The following ULK1 variants were observed in gnomAD, a reference collection of about 807,000 sequenced individuals.
ULK1 encodes unc-51 like autophagy activating kinase 1, also known as serine/threonine-protein kinase ULK1.
A neutral mutation model predicts 117.5 loss-of-function variants in ULK1; 48 were observed. The observed-to-expected ratio is 0.41, with a 90% confidence interval of 0.32 to 0.52. ULK1 has a LOEUF of 0.52. Ranked by LOEUF, ULK1 falls within the 20% of genes least tolerant of loss-of-function variation. The probability of loss-of-function intolerance (pLI) is 0.29; values close to 1 mark genes in which losing one functional copy is unlikely to be tolerated. For missense variants in ULK1, 1,387 were observed against 1,473.4 expected (o/e 0.94, Z 0.96); for synonymous variants, 790 against 637.8 (o/e 1.24, Z -3.60).
chr12:131,911,819 C>T (rs1889549700), intron 12 of ULK1, 123 bp from the exon 13 acceptor site: 6 of 1,361,028 alleles, frequency 4.4e-6, no homozygotes, highest in African/African-American at 1.5e-5. Flanking sequence ...ACGTGCCCAG[C>T]CCTTCTCAGC....
intron 15 of ULK1, 112 bp downstream of exon 15, chr12:131,913,948 CCTT>C (rs1173071913): frequency 4.1e-6 from 4 of 967,560 alleles, no homozygotes; most frequent in East Asian, 6.2e-5. Context: ...GAGGCCCCTG[CCTT>C]CTTCTCCCAG....
chr12:131,906,157 A>G (rs1421200075), intron 3 of ULK1, among the ~76,000 whole-genome samples: 3 of 151,962 alleles, frequency 2.0e-5, no homozygotes, highest in Non-Finnish European at 4.4e-5. Flanking sequence ...GCAGTGGCAC[A>G]GTCTCGGCTC....
At chr12:131,920,574 T>C in intron 26 of ULK1, 1 of 194,820 alleles carries the variant, frequency 5.1e-6, no homozygotes, top group South Asian at 9.1e-5. Flanking sequence ...CGTTTATTTT[T>C]TGTTGTTTTT....
intron 3 of ULK1, among the ~76,000 whole-genome samples, chr12:131,899,478 G>A (rs771711294): frequency 1.6e-4 from 24 of 150,432 alleles, no homozygotes; most frequent in South Asian, 4.2e-4. Flanking sequence ...ATGAGCCACC[G>A]CTTCTGGCCT....
chr12:131,897,421 T>C (rs1888918967), intron 3 of ULK1: 1 of 152,202 alleles, frequency 6.6e-6, no homozygotes, highest in Admixed American at 6.5e-5. Context: ...GCCCCTGCTT[T>C]AGTTGTTTCC....
At chr12:131,910,636 C>A (rs1162561284) in intron 11 of ULK1, 76 bp from the exon 12 acceptor site, 1 of 1,612,158 alleles carries the variant, frequency 6.2e-7, no homozygotes, top group Admixed American at 1.7e-5. Context: ...TTGAGCTTGT[C>A]CAGTCTGTGG....
chr12:131,919,613 C>CCA, intron 25 of ULK1, 23 bp downstream of exon 25: 1 of 1,606,534 alleles, frequency 6.2e-7, no homozygotes, highest in Non-Finnish European at 8.5e-7. Flanking sequence ...ACCGCTCAGC[C>CCA]CACATGCCGG....
Position 131,910,752 on chromosome 12 carries a change from C to T in ULK1, c.900C>T (p.Ser300=), listed in dbSNP as rs571147302. 30 of 1,612,838 alleles carry T rather than the reference C, an allele frequency of 1.9e-5. No individual in the cohort carries two copies. The highest frequency in any genetic ancestry group is 1.6e-4 in the Middle Eastern group (1 of 6,062). ...VPVPSYPSSG[S]GSSSSSSSTS... ...TGCCCTCGTACCCAAGCTCGGGGTC[C>T]GGCAGCAGCTCCAGCAGCAGCTCCA... The change falls in exon 12 of 28, where the codon TCC becomes TCT. Residue 300 remains serine (S), a synonymous_variant. Transcript: ENST00000321867.
intron 16 of ULK1, 108 bp from the exon 17 acceptor site, chr12:131,914,975 T>C: frequency 6.9e-7 from 1 of 1,458,784 alleles, no homozygotes; most frequent in Non-Finnish European, 9.1e-7. Context: ...GGTCCTGGGC[T>C]GCTGGGGCCT....
chr12:131,919,495 A>C lies in ULK1; in HGVS notation c.2708A>C (p.Tyr903Ser), dbSNP rs760099259. Residue 903 changes from tyrosine (Y) to serine (S), a missense_variant, in exon 25 of 28, where the codon TAC becomes TCC. By Grantham distance (144) the Tyr-to-Ser change is moderately radical. Transcript: ENST00000321867. ...EWGFAEQLVL[Y>S]LKVAELLSSG... is the part of the protein sequence containing the mutation. ...AGCTTCGCGGAACAGCTGGTGCTGT[A>C]CCTGAAGGTGGCCGAGCTACTGTCC... 8.7e-6 allele frequency: 14 copies of C among 1,611,770 alleles called. No homozygotes were observed. Among genetic ancestry groups the C allele is most frequent in the Non-Finnish European group, 1.2e-5 (14 of 1,179,540 alleles).
Position 131,916,115 on chromosome 12 carries a change from C to T in ULK1, c.1834C>T (p.Leu612=), listed in dbSNP as rs1889771047. 7.4e-6 allele frequency: 12 copies of T among 1,612,422 alleles called. No individual in the cohort carries two copies. Among genetic ancestry groups the T allele is most frequent in the Non-Finnish European group, 1.0e-5 (12 of 1,179,856 alleles). The change falls in exon 19 of 28, where the codon CTG becomes TTG. Residue 612 remains leucine (L), a synonymous_variant. Transcript: ENST00000321867. ...LRGSPKLPDF[L]QRNPLPPILG... ...GGGCTCACCCAAGCTGCCCGACTTC[C>T]TGCAGCGAAACCCCCTGCCCCCCAT... is the stretch of plus-strand genomic sequence containing the variant.
chr12:131,919,672 G>A, intron 25 of ULK1, 82 bp downstream of exon 25: 1 of 1,477,752 alleles, frequency 6.8e-7, no homozygotes, highest in South Asian at 1.2e-5. Flanking sequence ...AGGGTAACAG[G>A]GAGGCTGCTT....
rs138913008 is a variant in ULK1, at chr12:131,906,671, G to A, written c.247-221G>A. The A allele has an allele frequency of 1.7e-5, 10 of 604,904 alleles. No individual in the cohort carries two copies. In the East Asian group the frequency reaches 2.5e-4, roughly 15 times the overall value. 37.5% of individuals were successfully genotyped at this position (604,904 alleles called of 1,614,324 possible). On this transcript the variant is annotated intron_variant, in intron 3 of 27. Transcript: ENST00000321867. ...TGTTGCTCTTATGGGGGGACCAGGG[G>A]CCTTTGCCTTGATCAGATGGAGACC...
chr12:131,920,936 G>A (rs1890123955), intron 26 of ULK1, 164 bp from the exon 27 acceptor site: 3 of 1,006,932 alleles, frequency 3.0e-6, no homozygotes, highest in African/African-American at 1.6e-5. Flanking sequence ...TTGGCCCTGT[G>A]ACCATCCCCT....
chr12:131,918,746 CGGGTGTGTGGGGTATA>C (rs1353819443), intron 23 of ULK1, 65 bp downstream of exon 23: 65 of 460,754 alleles, frequency 1.4e-4, no homozygotes, highest in Non-Finnish European at 1.8e-4. Flanking sequence ...TGTGGGGTGT[CGGGTGTGTGGGGTATA>C]GGGTGTGTGG....
chr12:131,916,860 C>A, intron 20 of ULK1, 93 bp from the exon 21 acceptor site: 1 of 1,142,410 alleles, frequency 8.8e-7, no homozygotes, highest in Non-Finnish European at 1.2e-6. Flanking sequence ...GGAGACCGTG[C>A]ATCATGTGTG....
intron 21 of ULK1, 44 bp from the exon 22 acceptor site, chr12:131,917,367 C>G (rs547450608): frequency 4.3e-6 from 6 of 1,389,846 alleles, no homozygotes; most frequent in African/African-American, 1.5e-5. Context: ...GGATGGGGGT[C>G]GGCGGGAGTC....
chr12:131,920,913 G>A (rs545365913), intron 26 of ULK1, 187 bp from the exon 27 acceptor site: 8 of 792,332 alleles, frequency 1.0e-5, no homozygotes, highest in Non-Finnish European at 1.5e-5. Context: ...CTGGTTCCAG[G>A]CAGTGTCTCC....
rs1361635627 is a variant in ULK1, at chr12:131,921,238, G to A, written c.3097+3G>A. The A allele has an allele frequency of 1.2e-6, 2 of 1,607,798 alleles. No individual in the cohort carries two copies. Among genetic ancestry groups the A allele is most frequent in the Non-Finnish European group, 1.7e-6 (2 of 1,179,662 alleles). ...CGACATCGAGAACGTCACCAAGTGT[G>A]AGTGCCCGGCTGGGCTGGGGGCTGG... On this transcript the variant is annotated splice_donor_region_variant and intron_variant, in intron 27 of 27. Coordinates refer to ENST00000321867, the MANE Select transcript of ULK1 (RefSeq NM_003565.4).
Sources: allele counts gnomAD v4.1 joint callset (sites outside exome capture counted in the v4.1 genomes callset), GRCh38; gene constraint gnomAD v4.1.1; transcripts MANE v1.5; gene names NCBI Gene and HGNC (gene_info 2026-07-23, HGNC 2026-07-21).